Variants in RTN4RL1 observed in about 807,000 individuals in gnomAD.
RTN4RL1 encodes the protein reticulon 4 receptor like 1.
A neutral mutation model predicts 25.6 loss-of-function variants in RTN4RL1; 7 were observed. The ratio of observed to expected loss-of-function variants is 0.27; its 90% CI spans 0.16 to 0.51. RTN4RL1 has a LOEUF of 0.51. Ranked by LOEUF, RTN4RL1 falls within the 20% of genes least tolerant of loss-of-function variation. The pLI, the probability that RTN4RL1 is intolerant of heterozygous loss-of-function variation, is 0.97. For missense variants in RTN4RL1, 500 were observed against 615.6 expected, an observed-to-expected ratio of 0.81 and a Z score of 1.99; for synonymous variants, 297 against 288.2, an observed-to-expected ratio of 1.03 and a Z score of -0.31.
intron 1 of RTN4RL1, among the ~76,000 whole-genome samples, chr17:1,938,337 C>T (rs1323404817): frequency 6.6e-6 from 1 of 151,874 alleles, no homozygotes; most frequent in Non-Finnish European, 1.5e-5. Flanking sequence ...GAGTCTCACT[C>T]TGTTGCCCAG....
intron 1 of RTN4RL1, among the ~76,000 whole-genome samples, chr17:2,005,047 C>T (rs575528035): frequency 4.4e-4 from 67 of 152,122 alleles, no homozygotes; most frequent in Non-Finnish European, 8.8e-4. Context: ...GCTCTGTTGC[C>T]GAGGTTAGAG....
intron 1 of RTN4RL1, among the ~76,000 whole-genome samples, chr17:1,995,081 G>A (rs2066923599): frequency 6.6e-6 from 1 of 152,142 alleles, no homozygotes; most frequent in Non-Finnish European, 1.5e-5. Flanking sequence ...GATGGAATGA[G>A]CCTCTCAGGC....
intron 1 of RTN4RL1, among the ~76,000 whole-genome samples, chr17:1,967,296 CA>C (rs560046199): frequency 1.3e-5 from 2 of 152,328 alleles, no homozygotes; most frequent in South Asian, 4.1e-4. Flanking sequence ...AACACAGCTC[CA>C]CCTGCAGCAT....
At chr17:1,976,769 G>C (rs185528549) in intron 1 of RTN4RL1, among the ~76,000 whole-genome samples, 133 of 152,326 alleles carry the variant, frequency 8.7e-4, no homozygotes, top group African/African-American at 3.0e-3. Flanking sequence ...TCCAGAGACA[G>C]CACAGGCCAT....
rs2067253316 is a variant in RTN4RL1 at position 2,024,940 on chromosome 17, C to G, written c.-75G>C. 2 of 1,469,982 alleles carry G rather than the reference C, an allele frequency of 1.4e-6. No individual in the cohort carries two copies. The highest frequency in any genetic ancestry group is 1.8e-6 in the Non-Finnish European group (2 of 1,083,528). The allele number at this position is 1,469,982 out of a possible 1,614,324, so 91.1% of individuals were successfully genotyped here. On this transcript the variant is annotated 5_prime_UTR_variant, in exon 1 of 2. Transcript: ENST00000331238. ...CGGGGTCCAGATTCAAATCCCTGGG[C>G]GCCAGCTGCAGCTAATCCGAGCGCG...
intron 1 of RTN4RL1, among the ~76,000 whole-genome samples, chr17:1,961,780 A>AAAAAAAAAAAAAG (rs2066763215): frequency 8.9e-6 from 1 of 112,494 alleles, no homozygotes; most frequent in African/African-American, 3.8e-5. Context: ...ATACAAAAAA[A>AAAAAAAAAAAAAG]AAAAAAAAAA....
chr17:1,963,022 C>T (rs1016203631), intron 1 of RTN4RL1, among the ~76,000 whole-genome samples: 5 of 152,114 alleles, frequency 3.3e-5, no homozygotes, highest in African/African-American at 1.2e-4. Context: ...ACTGCAACCT[C>T]GAACTCCTGG....
intron 1 of RTN4RL1, among the ~76,000 whole-genome samples, chr17:2,015,523 A>G (rs2067109287): frequency 2.0e-5 from 3 of 152,226 alleles, no homozygotes; most frequent in Non-Finnish European, 1.5e-5. Context: ...AAGCTGGCCA[A>G]GACGGCCGAG....
At chr17:1,977,018 C>A (rs2066845320) in intron 1 of RTN4RL1, among the ~76,000 whole-genome samples, 1 of 152,134 alleles carries the variant, frequency 6.6e-6, no homozygotes, top group African/African-American at 2.4e-5. Context: ...GATCAGACTC[C>A]CTGTGCTACC....
chr17:1,972,632 G>A (rs1025495125), intron 1 of RTN4RL1, among the ~76,000 whole-genome samples: 3 of 152,072 alleles, frequency 2.0e-5, no homozygotes, highest in African/African-American at 4.8e-5. Context: ...CCCCAGACTC[G>A]TGCCTGTTTT....
At chr17:2,005,822 A>C (rs1414906834) in intron 1 of RTN4RL1, among the ~76,000 whole-genome samples, 1 of 136,526 alleles carries the variant, frequency 7.3e-6, no homozygotes, top group Non-Finnish European at 1.5e-5. Flanking sequence ...TTTGACACAG[A>C]GTCTCGCCGT....
chr17:1,935,353 C>G lies in RTN4RL1; in HGVS notation c.*1143G>C, dbSNP rs1403721989. ...TGCTTCTCACTTCTCACCCTGAAGCCAACAGCTACGACAGCAGGGGTGACA... is the reference window on the plus strand; with the variant it reads ...TGCTTCTCACTTCTCACCCTGAAGCGAACAGCTACGACAGCAGGGGTGACA... On this transcript the variant is annotated 3_prime_UTR_variant, in exon 2 of 2. Transcript: ENST00000331238. 1 of 158,890 alleles carries G rather than the reference C, an allele frequency of 6.3e-6. No individual in the cohort carries two copies. Among genetic ancestry groups the G allele is most frequent in the African/African-American group, 2.4e-5 (1 of 41,532 alleles). 9.8% of individuals were successfully genotyped at this position (158,890 alleles called of 1,614,324 possible). A position where few individuals can be genotyped will look rare whatever the true frequency, so the allele number is the denominator to read the frequency against.
At chr17:1,983,886 C>A (rs902150741) in intron 1 of RTN4RL1, among the ~76,000 whole-genome samples, 2 of 152,124 alleles carry the variant, frequency 1.3e-5, no homozygotes, top group African/African-American at 4.8e-5. Context: ...TAACGGGGTC[C>A]ACAAAACCTT....
At chr17:1,944,922 C>T (rs1915507480) in intron 1 of RTN4RL1, among the ~76,000 whole-genome samples, 1 of 152,338 alleles carries the variant, frequency 6.6e-6, no homozygotes, top group Middle Eastern at 3.4e-3. Context: ...GATCCAGCAC[C>T]CCTCTGTGGC....
intron 1 of RTN4RL1, among the ~76,000 whole-genome samples, chr17:1,983,686 C>A (rs1426569364): frequency 6.6e-6 from 1 of 152,064 alleles, no homozygotes; most frequent in Non-Finnish European, 1.5e-5. Flanking sequence ...CATAGGCAGG[C>A]ACCACCATGC....
At chr17:2,023,289 T>A (rs2067232777) in intron 1 of RTN4RL1, among the ~76,000 whole-genome samples, 2 of 152,156 alleles carry the variant, frequency 1.3e-5, no homozygotes, top group South Asian at 4.1e-4. Context: ...CAAAGACACT[T>A]TGGCCAGCAC....
chr17:1,959,293 T>C (rs185512819), intron 1 of RTN4RL1, among the ~76,000 whole-genome samples: 68 of 152,374 alleles, frequency 4.5e-4, no homozygotes, highest in African/African-American at 1.5e-3. Context: ...TATCATGGTA[T>C]TGCTGAATCT....
At chr17:1,964,606 C>T (rs928483604) in intron 1 of RTN4RL1, among the ~76,000 whole-genome samples, 4 of 151,646 alleles carry the variant, frequency 2.6e-5, no homozygotes, top group Non-Finnish European at 4.4e-5. Flanking sequence ...GTGGCGGGCG[C>T]CTGTAGTCCC....
At chr17:1,957,288 T>G (rs1377799514) in intron 1 of RTN4RL1, among the ~76,000 whole-genome samples, 1 of 152,174 alleles carries the variant, frequency 6.6e-6, no homozygotes, top group East Asian at 1.9e-4. Flanking sequence ...CTGTGGGAGC[T>G]CTCAGAGATT....
Sources: allele counts gnomAD v4.1 joint callset (sites outside exome capture counted in the v4.1 genomes callset), GRCh38; gene constraint gnomAD v4.1.1; transcripts MANE v1.5; gene names NCBI Gene and HGNC (gene_info 2026-07-23, HGNC 2026-07-21).